Variants in PDZRN4 observed in about 807,000 individuals in gnomAD.
PDZRN4 encodes PDZ domain containing ring finger 4.
A neutral mutation model predicts 99.0 loss-of-function variants in PDZRN4; 70 were observed. The observed-to-expected ratio is 0.71, with a 90% CI of 0.58 to 0.86. PDZRN4 has a LOEUF of 0.86. PDZRN4 is among the 40% of genes least tolerant of loss of function. The pLI is 0.00. For missense variants in PDZRN4, 1,474 were observed against 1,331.2 expected (o/e 1.11, Z -1.67); for synonymous variants, 551 against 501.6 (o/e 1.10, Z -1.32).
At chr12:41,308,979 C>G (rs1382682283) in intron 3 of PDZRN4, among the ~76,000 whole-genome samples, 2 of 151,938 alleles carry the variant, frequency 1.3e-5, no homozygotes, top group Non-Finnish European at 2.9e-5. Context: ...GGAAAAAAAG[C>G]TTATATTCCT....
chr12:41,413,531 A>G (rs1169253938), intron 3 of PDZRN4, among the ~76,000 whole-genome samples: 1 of 152,176 alleles, frequency 6.6e-6, no homozygotes, highest in East Asian at 1.9e-4. Flanking sequence ...AATGTTCCCC[A>G]TACAAAGAAA....
chr12:41,572,604 G>C lies in PDZRN4; in HGVS notation c.1825G>C (p.Gly609Arg), dbSNP rs371154774. 3.5e-5 allele frequency: 56 copies of C among 1,614,010 alleles called. No individual in the cohort carries two copies. Among genetic ancestry groups the C allele is most frequent in the Non-Finnish European group, 4.5e-5 (53 of 1,180,000 alleles). Residue 609 changes from glycine to arginine, a missense_variant, in exon 10 of 10, where the codon GGT becomes CGT. Physicochemically the swap from Gly to Arg is moderately radical, Grantham distance 125. Coordinates refer to ENST00000402685, the MANE Select transcript of PDZRN4 (RefSeq NM_001164595.2). The part of the protein sequence containing the change: ...ELQYNESLVS[G>R]EYIDSDCIGN... The stretch of plus-strand genomic sequence containing the variant: ...TCAGTACAATGAGAGCCTCGTATCT[G>C]GTGAATACATTGACTCAGACTGCAT...
intron 7 of PDZRN4, 115 bp downstream of exon 7, chr12:41,555,875 A>G (rs76597388): frequency 2.3e-6 from 2 of 855,742 alleles, no homozygotes; most frequent in Non-Finnish European, 3.8e-6. Context: ...GGATACTAAC[A>G]TCTACAAAAC....
intron 3 of PDZRN4, among the ~76,000 whole-genome samples, chr12:41,245,350 C>T (rs1050212642): frequency 2.0e-5 from 3 of 152,048 alleles, no homozygotes; most frequent in Admixed American, 6.5e-5. Flanking sequence ...AAACACATAT[C>T]GATTATATGC....
intron 3 of PDZRN4, among the ~76,000 whole-genome samples, chr12:41,355,620 G>C (rs371199536): frequency 6.6e-6 from 1 of 152,006 alleles, no homozygotes; most frequent in Non-Finnish European, 1.5e-5. Context: ...TTTCAAATCT[G>C]TCAATGGTAA....
chr12:41,251,432 A>G (rs746974800), intron 3 of PDZRN4, among the ~76,000 whole-genome samples: 13 of 152,124 alleles, frequency 8.5e-5, no homozygotes, highest in Non-Finnish European at 1.3e-4. Flanking sequence ...TAAAGTATCA[A>G]TGATTTCACC....
intron 3 of PDZRN4, among the ~76,000 whole-genome samples, chr12:41,493,903 G>C (rs1253740380): frequency 2.5e-5 from 2 of 78,980 alleles, no homozygotes; most frequent in South Asian, 3.7e-4. Context: ...AAAAATAATG[G>C]GGGGGGGGAT....
chr12:41,262,044 T>C (rs1283803321), intron 3 of PDZRN4, among the ~76,000 whole-genome samples: 2 of 152,140 alleles, frequency 1.3e-5, no homozygotes, highest in African/African-American at 2.4e-5. Context: ...GTCCGGTGAT[T>C]GCAATTTCTC....
intron 3 of PDZRN4, among the ~76,000 whole-genome samples, chr12:41,424,141 C>A: frequency 6.6e-6 from 1 of 152,108 alleles, no homozygotes; most frequent in African/African-American, 2.4e-5. Flanking sequence ...ATATTTATTG[C>A]TTGATAAGGA....
chr12:41,209,393 C>T lies in PDZRN4; in HGVS notation c.843+15205C>T, dbSNP rs186767197. 3.5e-3 allele frequency among the ~76,000 whole-genome samples: 532 copies of T among 151,650 alleles called. 4 individuals are homozygous for T. Among genetic ancestry groups the T allele is most frequent in the African/African-American group, 0.012 (510 of 41,376 alleles). ...TAAGTCTTAGGGTACCTGTGCACAA[C>T]GTGCAGGTTTGTTACATATGTATAC... On this transcript the variant is annotated intron_variant, in intron 3 of 9. Coordinates refer to ENST00000402685, the MANE Select transcript of PDZRN4 (RefSeq NM_001164595.2).
chr12:41,565,987 T>C (rs1304023289), intron 8 of PDZRN4, among the ~76,000 whole-genome samples: 2 of 152,006 alleles, frequency 1.3e-5, no homozygotes, highest in African/African-American at 4.8e-5. Context: ...ACTCAGACCA[T>C]AGTGAATGTA....
At chr12:41,453,327 A>G (rs1341176200) in intron 3 of PDZRN4, among the ~76,000 whole-genome samples, 1 of 152,192 alleles carries the variant, frequency 6.6e-6, no homozygotes, top group Admixed American at 6.5e-5. Flanking sequence ...TTCCTTCCCA[A>G]GTAATTTTAA....
chr12:41,275,563 C>T (rs1386702959), intron 3 of PDZRN4, among the ~76,000 whole-genome samples: 2 of 152,030 alleles, frequency 1.3e-5, no homozygotes, highest in Non-Finnish European at 2.9e-5. Context: ...CTCTCTGCTC[C>T]ACATCTTTAC....
Position 41,379,024 on chromosome 12 carries a change from G to C in PDZRN4, c.844-127432G>C, listed in dbSNP as rs75384804. On this transcript the variant is annotated intron_variant, in intron 3 of 9. Transcript: ENST00000402685. ...TGGTTTGGGCTTTTCTTTCTTGGGAGGCTGTTGATTACCAATTAAATTTCT... is the reference window on the plus strand; with the variant it reads ...TGGTTTGGGCTTTTCTTTCTTGGGACGCTGTTGATTACCAATTAAATTTCT... 2.7e-3 allele frequency among the ~76,000 whole-genome samples: 410 copies of C among 152,184 alleles called. 3 individuals carry two copies. The highest frequency in any genetic ancestry group is 0.019 in the Admixed American group (283 of 15,286).
At chr12:41,328,019 GA>G (rs1394016095) in intron 3 of PDZRN4, among the ~76,000 whole-genome samples, 2 of 152,008 alleles carry the variant, frequency 1.3e-5, no homozygotes, top group African/African-American at 4.8e-5. Context: ...AGTCAAATAT[GA>G]AAAAATATGG....
intron 3 of PDZRN4, among the ~76,000 whole-genome samples, chr12:41,348,734 AT>A (rs1951871308): frequency 1.3e-5 from 2 of 151,836 alleles, no homozygotes; most frequent in Non-Finnish European, 2.9e-5. Flanking sequence ...GAATTACTCC[AT>A]TTTTTTTAAA....
chr12:41,327,821 T>A (rs938763116), intron 3 of PDZRN4, among the ~76,000 whole-genome samples: 1 of 152,194 alleles, frequency 6.6e-6, no homozygotes, highest in Non-Finnish European at 1.5e-5. Context: ...TCTGTGTGTG[T>A]GTGTGCATGT....
At chr12:41,550,560 TC>T (rs1939035253) in intron 5 of PDZRN4, among the ~76,000 whole-genome samples, 1 of 152,194 alleles carries the variant, frequency 6.6e-6, no homozygotes, top group African/African-American at 2.4e-5. Context: ...CTAAATCATT[TC>T]ACTGTTTCCT....
At chr12:41,272,971 A>G (rs1320061172) in intron 3 of PDZRN4, among the ~76,000 whole-genome samples, 2 of 152,026 alleles carry the variant, frequency 1.3e-5, no homozygotes, top group African/African-American at 4.8e-5. Context: ...TTAGGAGGAA[A>G]TTGAATTCTG....
Sources: gnomAD v4.1 joint callset for allele counts (sites outside exome capture counted in the v4.1 genomes callset) on GRCh38, gnomAD v4.1.1 for gene constraint, MANE v1.5 for transcripts, NCBI Gene and HGNC (gene_info 2026-07-23, HGNC 2026-07-21) for gene names.